The following GALNT13 variants were observed in gnomAD, a reference collection of about 807,000 sequenced individuals.
GALNT13 encodes the protein polypeptide N-acetylgalactosaminyltransferase 13.
A neutral mutation model predicts 64.2 loss-of-function variants in GALNT13; 28 were observed. That is an observed-to-expected ratio of 0.44 (90% CI 0.32 to 0.60). The LOEUF is 0.60. Among genes scored for constraint, GALNT13 ranks in the 20% least tolerant of loss-of-function variants. The pLI is 0.05. For synonymous variants in GALNT13, 214 were observed against 224.6 expected (o/e 0.95, Z 0.42); for missense variants, 577 against 669.8 (o/e 0.86, Z 1.53).
chr2:153,920,675 T>C (rs1689693820), intron 2 of GALNT13, among the ~76,000 whole-genome samples: 1 of 152,082 alleles, frequency 6.6e-6, no homozygotes, highest in African/African-American at 2.4e-5. Context: ...CAAAGGAAAC[T>C]ATCAACAGAA....
rs573470862 is a variant in GALNT13, at chr2:153,919,720, C to T, written c.-105+18713C>T. ...CAAGTTGTGTTAACAAATTATTTTG[C>T]TCATCCTAATATTGATTACAATAAT... On this transcript the variant is annotated intron_variant, in intron 2 of 12. Transcript: ENST00000392825. 2.1e-3 allele frequency among the ~76,000 whole-genome samples: 315 copies of T among 151,752 alleles called. 1 individual carries two copies. Among genetic ancestry groups the T allele is most frequent in the African/African-American group, 7.5e-3 (311 of 41,494 alleles).
intron 3 of GALNT13, among the ~76,000 whole-genome samples, chr2:153,983,560 A>G (rs1694608502): frequency 6.6e-6 from 1 of 151,932 alleles, no homozygotes; most frequent in Admixed American, 6.6e-5. Context: ...GAAACGTTAA[A>G]TGGATGGTTT....
chr2:154,323,291 A>C (rs1390486866), intron 9 of GALNT13, among the ~76,000 whole-genome samples: 2 of 151,812 alleles, frequency 1.3e-5, no homozygotes, highest in Non-Finnish European at 2.9e-5. Flanking sequence ...CCTGTCTTTA[A>C]AAAATAAAAA....
At chr2:154,228,347 A>C (rs1688739035) in intron 4 of GALNT13, among the ~76,000 whole-genome samples, 1 of 152,014 alleles carries the variant, frequency 6.6e-6, no homozygotes, top group Non-Finnish European at 1.5e-5. Flanking sequence ...TTTGGTCCTG[A>C]GCTCTAGTTC....
At chr2:153,148,633 G>A in the GALNT13 span, among the ~76,000 whole-genome samples, 1 of 151,630 alleles carries the variant, frequency 6.6e-6, no homozygotes, top group African/African-American at 2.4e-5. Context: ...GTAAGGAAAG[G>A]CAAAATTAGA....
At chr2:154,306,682 T>A (rs1043086162) in intron 9 of GALNT13, among the ~76,000 whole-genome samples, 9 of 146,746 alleles carry the variant, frequency 6.1e-5, no homozygotes, top group Non-Finnish European at 1.0e-4. Context: ...GGTATTGAAG[T>A]GGGTTTTTCT....
At chr2:153,718,115 A>C in the GALNT13 span, among the ~76,000 whole-genome samples, 12 of 152,318 alleles carry the variant, frequency 7.9e-5, no homozygotes, top group Middle Eastern at 3.4e-3. Flanking sequence ...TTAATTAAAA[A>C]GTCCACACTT....
chr2:153,860,347 C>G, the GALNT13 span, among the ~76,000 whole-genome samples: 1 of 152,220 alleles, frequency 6.6e-6, no homozygotes, highest in Non-Finnish European at 1.5e-5. Flanking sequence ...TTTAGGACAT[C>G]CTTGTACTTG....
At chr2:153,103,710 T>C in the GALNT13 span, among the ~76,000 whole-genome samples, 3 of 152,218 alleles carry the variant, frequency 2.0e-5, no homozygotes, top group Admixed American at 6.5e-5. Context: ...CTATACATTG[T>C]CTGTCTCTCT....
chr2:153,425,983 C>T, the GALNT13 span, among the ~76,000 whole-genome samples: 1 of 151,832 alleles, frequency 6.6e-6, no homozygotes, highest in Admixed American at 6.6e-5. Flanking sequence ...CTTCTTAGCT[C>T]ATCTTGGTGC....
intron 4 of GALNT13, among the ~76,000 whole-genome samples, chr2:154,153,034 G>A (rs1684151947): frequency 6.6e-6 from 1 of 152,128 alleles, no homozygotes; most frequent in Admixed American, 6.5e-5. Flanking sequence ...CAGTTTTTCT[G>A]CTCTGTTTTT....
chr2:154,383,076 C>G (rs1461510315), intron 9 of GALNT13, among the ~76,000 whole-genome samples: 2 of 151,800 alleles, frequency 1.3e-5, no homozygotes, highest in Non-Finnish European at 2.9e-5. Context: ...GTATGCTGCT[C>G]ATTGAAAAGA....
the GALNT13 span, among the ~76,000 whole-genome samples, chr2:153,093,112 A>G: frequency 6.6e-6 from 1 of 151,642 alleles, no homozygotes; most frequent in South Asian, 2.1e-4. Context: ...AGAATTTATC[A>G]CCTGGTTTTT....
chr2:153,235,248 C>A, the GALNT13 span, among the ~76,000 whole-genome samples: 5 of 152,006 alleles, frequency 3.3e-5, no homozygotes, highest in African/African-American at 1.2e-4. Flanking sequence ...TACTCAGTGG[C>A]CCAGTTCAGG....
chr2:154,411,965 A>T (rs1699815693), intron 11 of GALNT13, among the ~76,000 whole-genome samples: 1 of 151,826 alleles, frequency 6.6e-6, no homozygotes, highest in African/African-American at 2.4e-5. Flanking sequence ...TAAAAAAATT[A>T]ACACTAAACA....
the GALNT13 span, among the ~76,000 whole-genome samples, chr2:153,794,625 A>G: frequency 6.6e-6 from 1 of 151,642 alleles, no homozygotes; most frequent in Non-Finnish European, 1.5e-5. Context: ...GGTTCAATCG[A>G]TTCTCCTGCC....
At chr2:153,433,815 C>T in the GALNT13 span, among the ~76,000 whole-genome samples, 2 of 151,870 alleles carry the variant, frequency 1.3e-5, no homozygotes, top group Non-Finnish European at 2.9e-5. Flanking sequence ...CAGATAGTTA[C>T]TTATACTTTT....
intron 2 of GALNT13, among the ~76,000 whole-genome samples, chr2:153,911,601 G>T (rs1358900941): frequency 2.0e-5 from 3 of 152,036 alleles, no homozygotes; most frequent in Non-Finnish European, 4.4e-5. Flanking sequence ...AAGCGAGTTT[G>T]GTGGTAATGA....
chr2:153,202,659 C>T, the GALNT13 span, among the ~76,000 whole-genome samples: 2 of 152,082 alleles, frequency 1.3e-5, no homozygotes, highest in Non-Finnish European at 2.9e-5. Flanking sequence ...TTCATTAATG[C>T]TATCATCAAG....
Sources: allele counts gnomAD v4.1 joint callset (sites outside exome capture counted in the v4.1 genomes callset), GRCh38; gene constraint gnomAD v4.1.1; transcripts MANE v1.5; gene names NCBI Gene and HGNC (gene_info 2026-07-23, HGNC 2026-07-21).